Variants in BPHL observed in about 807,000 individuals in gnomAD.
BPHL encodes the protein biphenyl hydrolase like, also known as serine hydrolase BPHL.
In BPHL, 27 loss-of-function variants were observed where a neutral mutation model predicts 31.2. The ratio of observed to expected loss-of-function variants is 0.87; its 90% CI spans 0.64 to 1.19. The LOEUF (loss-of-function observed/expected upper bound fraction) is 1.19, where lower values mean the gene tolerates loss of function less well. BPHL is among the 50% of genes most tolerant of loss of function. The pLI is 0.00. For missense variants in BPHL, 356 were observed against 375.7 expected (o/e 0.95, Z 0.43); for synonymous variants, 150 against 146.8 (o/e 1.02, Z -0.16).
intron 1 of BPHL, among the ~76,000 whole-genome samples, chr6:3,119,891 A>G (rs1215828149): frequency 1.3e-5 from 2 of 152,250 alleles, no homozygotes; most frequent in African/African-American, 4.8e-5. Flanking sequence ...TTTTAGAATT[A>G]TTATAAGATG....
intron 4 of BPHL, among the ~76,000 whole-genome samples, chr6:3,136,399 C>A (rs115334260): frequency 2.6e-5 from 4 of 152,204 alleles, no homozygotes; most frequent in African/African-American, 9.7e-5. Context: ...TCAGCTCACA[C>A]GGGGCCTACC....
chr6:3,146,897 G>A (rs1299622951), intron 6 of BPHL, among the ~76,000 whole-genome samples: 3 of 151,930 alleles, frequency 2.0e-5, no homozygotes, highest in Admixed American at 6.6e-5. Context: ...GTGCTGGTTC[G>A]GGTTGGAGTG....
At chr6:3,147,909 C>T (rs760147309) in intron 6 of BPHL, among the ~76,000 whole-genome samples, 10 of 152,226 alleles carry the variant, frequency 6.6e-5, no homozygotes, top group Admixed American at 2.0e-4. Context: ...AAGCCAATAT[C>T]GCAGACTGAA....
chr6:3,123,292 G>A (rs933260147), intron 1 of BPHL, among the ~76,000 whole-genome samples: 5 of 152,160 alleles, frequency 3.3e-5, no homozygotes, highest in East Asian at 1.9e-4. Flanking sequence ...TATTAAATTC[G>A]TGCTGTTAAA....
chr6:3,128,589 C>A (rs577983114), intron 3 of BPHL, among the ~76,000 whole-genome samples: 6 of 152,324 alleles, frequency 3.9e-5, no homozygotes, highest in African/African-American at 1.4e-4. Flanking sequence ...CTGGCTCTTG[C>A]CAGTTCTTCC....
intron 4 of BPHL, among the ~76,000 whole-genome samples, chr6:3,136,192 A>G (rs527381322): frequency 1.2e-4 from 18 of 152,340 alleles, no homozygotes; most frequent in African/African-American, 4.3e-4. Flanking sequence ...CCATACGGCC[A>G]AAAGTAGAAG....
chr6:3,137,518 C>T (rs1263929188), intron 5 of BPHL, 25 bp downstream of exon 5: 5 of 1,613,352 alleles, frequency 3.1e-6, no homozygotes, highest in Non-Finnish European at 4.2e-6. Flanking sequence ...TTGAAGGGCT[C>T]TCTGCCTGTT....
intron 6 of BPHL, among the ~76,000 whole-genome samples, chr6:3,144,030 C>T (rs1249453897): frequency 1.3e-5 from 2 of 152,254 alleles, no homozygotes; most frequent in Admixed American, 6.5e-5. Flanking sequence ...GTTGCTCGCT[C>T]ACCTATCTGA....
At position 3,127,385 on chromosome 6, in the gene BPHL, A is replaced by G; in HGVS notation, c.355A>G (p.Lys119Glu). 1 of 1,607,798 alleles carries G rather than the reference A, an allele frequency of 6.2e-7. No homozygotes were observed. The part of the protein sequence containing the change: ...FPADFFERDA[K>E]DAVDLMKALK... The stretch of plus-strand genomic sequence containing the variant: ...AGCAGACTTTTTTGAAAGGGATGCA[A>G]AAGATGCTGTTGATTTGATGAAGGT... The change falls in exon 3 of 7, where the codon AAA becomes GAA. Residue 119 changes from lysine (K) to glutamate (E), a missense_variant. By Grantham distance (56) the Lys-to-Glu change is moderately conservative (BLOSUM62 1). Coordinates refer to ENST00000380379, the MANE Select transcript of BPHL (RefSeq NM_004332.4).
At chr6:3,147,260 G>C (rs13198099) in intron 6 of BPHL, among the ~76,000 whole-genome samples, 12,102 of 151,838 alleles carry the variant, frequency 0.08, 662 homozygotes, top group African/African-American at 0.15. Context: ...GACCCCACCT[G>C]AAAAATAAAT....
chr6:3,146,389 A>G (rs1271691212), intron 6 of BPHL, among the ~76,000 whole-genome samples: 42 of 69,702 alleles, frequency 6.0e-4, no homozygotes, highest in Middle Eastern at 0.015. Context: ...TTGAGTGCTG[A>G]TTTGGGTCGG....
chr6:3,128,919 T>C, intron 3 of BPHL, 126 bp from the exon 4 acceptor site: 1 of 1,418,898 alleles, frequency 7.0e-7, no homozygotes, highest in South Asian at 1.2e-5. Context: ...GACTCTAGGG[T>C]TTTTCTTTTC....
chr6:3,118,916 G>A (rs1761471073), intron 1 of BPHL, 69 bp downstream of exon 1: 1 of 1,176,438 alleles, frequency 8.5e-7, no homozygotes, highest in South Asian at 4.2e-5. Flanking sequence ...GGAGGGGCGC[G>A]TGCCGACAGC....
intron 6 of BPHL, among the ~76,000 whole-genome samples, chr6:3,141,115 T>C (rs1281310869): frequency 6.6e-6 from 1 of 152,228 alleles, no homozygotes; most frequent in Non-Finnish European, 1.5e-5. Flanking sequence ...TTTTCTATAA[T>C]AAAATACAAT....
chr6:3,119,655 C>A, intron 1 of BPHL: 2 of 1,172,214 alleles, frequency 1.7e-6, no homozygotes, highest in African/African-American at 1.5e-5. Flanking sequence ...TACATCCCTA[C>A]ACACATGCAA....
Position 3,127,346 on chromosome 6 carries a change from G to A in BPHL, c.316G>A (p.Asp106Asn), listed in dbSNP as rs370778309. Residue 106 changes from aspartate to asparagine, a missense_variant, in exon 3 of 7, where the codon GAT becomes AAT. Physicochemically the swap from Asp to Asn is conservative, Grantham distance 23. Coordinates refer to ENST00000380379, the MANE Select transcript of BPHL (RefSeq NM_004332.4). The part of the protein sequence containing the change: ...PRGYGHSRPP[D>N]RDFPADFFER... ...AGGCTATGGACATTCCAGGCCCCCA[G>A]ATCGCGATTTCCCAGCAGACTTTTT... 1.2e-5 allele frequency: 20 copies of A among 1,608,906 alleles called. No homozygotes were observed. Among genetic ancestry groups the A allele is most frequent in the African/African-American group, 2.7e-5 (2 of 74,762 alleles).
chr6:3,140,575 A>G lies in BPHL; in HGVS notation c.788+66A>G. 6.3e-7 allele frequency: 1 copy of G among 1,598,746 alleles called. No individual in the cohort carries two copies. The highest frequency in any genetic ancestry group is 8.5e-7 in the Non-Finnish European group (1 of 1,174,558). On this transcript the variant is annotated intron_variant, in intron 6 of 6. Coordinates refer to ENST00000380379, the MANE Select transcript of BPHL (RefSeq NM_004332.4). The surrounding 1 kb of genome is among the most constrained non-coding windows in gnomAD (Gnocchi z 5.2). The stretch of plus-strand genomic sequence containing the variant: ...CGGAGTCAATGGGCAAAGCTACTGG[A>G]AGGAAAATAACCAAGAGGAGTTGGA...
In BPHL at chr6:3,140,307, G is replaced by A. The variant is rs963954499; in HGVS notation, c.665-79G>A. The A allele has an allele frequency of 3.2e-6, 5 of 1,562,580 alleles. No homozygotes were observed. The East Asian group carries it at 6.9e-5, about 22-fold the overall frequency. On this transcript the variant is annotated intron_variant, in intron 5 of 6. Coordinates refer to ENST00000380379, the MANE Select transcript of BPHL (RefSeq NM_004332.4). This position sits in a 1 kb window ranked among gnomAD's most constrained non-coding sequence, Gnocchi z 5.2. ...GGAAACTGAGGGCCAAGGAGGGGCA[G>A]GGCTCGCCGAGTTTCGCCTCCTCTG...
intron 3 of BPHL, 132 bp from the exon 4 acceptor site, chr6:3,128,913 C>T (rs1761788869): frequency 2.2e-6 from 3 of 1,359,222 alleles, no homozygotes; most frequent in Non-Finnish European, 3.1e-6. Flanking sequence ...ATGGTGGACT[C>T]TAGGGTTTTT....
Sources: allele counts gnomAD v4.1 joint callset (sites outside exome capture counted in the v4.1 genomes callset), GRCh38; gene constraint gnomAD v4.1.1; non-coding constraint Gnocchi (gnomAD v3.1); transcripts MANE v1.5; gene names NCBI Gene and HGNC (gene_info 2026-07-23, HGNC 2026-07-21).